Variants in MYORG observed in about 807,000 individuals in gnomAD.
The protein encoded by MYORG is myogenesis regulating glycosidase, also known as alpha-galactosidase MYORG.
Under a neutral mutation model 49.8 loss-of-function variants are expected in MYORG, and 45 were observed. The ratio of observed to expected loss-of-function variants is 0.90; its 90% CI spans 0.71 to 1.16. The LOEUF is 1.16. MYORG is among the 50% of genes most tolerant of loss of function. The pLI is 0.00. For synonymous variants in MYORG, 552 were observed against 462.9 expected (o/e 1.19, Z -2.47); for missense variants, 1,110 against 1,026.5 (o/e 1.08, Z -1.11).
Position 34,371,661 on chromosome 9 carries a change from C to T in MYORG, c.1283G>A (p.Gly428Asp). ...CGTGAAGTCTAGCACCGCGCCGATGCCGTTCCACCAGCGCACCAGCGCAGG... is the reference window on the plus strand; with the variant it reads ...CGTGAAGTCTAGCACCGCGCCGATGTCGTTCCACCAGCGCACCAGCGCAGG... ...RLPALVRWWN[G>D]IGAVLDFTHP... The change falls in exon 2 of 2, where the codon GGC (glycine) becomes GAC (aspartate). Residue 428 changes from glycine (G) to aspartate (D), a missense_variant. Coordinates refer to ENST00000297625, the MANE Select transcript of MYORG (RefSeq NM_020702.5). 6.2e-7 allele frequency: 1 copy of T among 1,606,842 alleles called. No individual in the cohort carries two copies. The highest frequency in any genetic ancestry group is 8.5e-7 in the Non-Finnish European group (1 of 1,176,800).
In MYORG at chr9:34,372,376, C is replaced by T. The variant is rs1222560422; in HGVS notation, c.568G>A (p.Glu190Lys). 6 of 1,590,300 alleles carry T rather than the reference C, an allele frequency of 3.8e-6. No homozygotes were observed. Among genetic ancestry groups the T allele is most frequent in the Non-Finnish European group, 4.3e-6 (5 of 1,169,924 alleles). Residue 190 changes from glutamate (E) to lysine (K), a missense_variant, in exon 2 of 2, where the codon GAG becomes AAG. Glu to Lys is a moderately conservative substitution (Grantham distance 56). Transcript: ENST00000297625. ...DAAAHWYGGAEMRTQHWPIRL... is the reference protein window; with the variant it reads ...DAAAHWYGGAKMRTQHWPIRL... ...ATGGGCCAGTGTTGCGTCCTCATCT[C>T]GGCGCCACCATACCAGTGGGCCGCC... is the stretch of plus-strand genomic sequence containing the variant.
chr9:34,373,215 T>G (rs1158868528), intron 1 of MYORG, among the ~76,000 whole-genome samples: 1 of 152,158 alleles, frequency 6.6e-6, no homozygotes, highest in African/African-American at 2.4e-5. Context: ...AAATTAGGAC[T>G]CTGTGACTGG....
chr9:34,371,159 G>A lies in MYORG; in HGVS notation c.1785C>T (p.Arg595=). Residue 595 remains arginine (R), a synonymous_variant, in exon 2 of 2, where the codon CGC becomes CGT. Coordinates refer to ENST00000297625, the MANE Select transcript of MYORG (RefSeq NM_020702.5). ...CGATGGCCACCACTTCCGCGTCGTAGCGCCAGGGCGGGATAGAGAACTGCA... is the reference window on the plus strand; with the variant it reads ...CGATGGCCACCACTTCCGCGTCGTAACGCCAGGGCGGGATAGAGAACTGCA... ...PAMQFSIPPW[R]YDAEVVAIAQ... is the part of the protein sequence containing the mutation. 6.2e-7 allele frequency: 1 copy of A among 1,608,684 alleles called. No individual in the cohort carries two copies. The highest frequency in any genetic ancestry group is 8.5e-7 in the Non-Finnish European group (1 of 1,176,578).
chr9:34,372,990 G>C lies in MYORG; in HGVS notation c.-47C>G. On this transcript the variant is annotated 5_prime_UTR_variant, in exon 2 of 2. Coordinates refer to ENST00000297625, the MANE Select transcript of MYORG (RefSeq NM_020702.5). ...GCGGGCCGTGGGGCCATCTGACTGA[G>C]TTCATCTCAACCTGCTCTGAAAGGA... is the stretch of plus-strand genomic sequence containing the variant. The C allele has an allele frequency of 1.9e-6, 3 of 1,588,458 alleles. No homozygotes were observed. Among genetic ancestry groups the C allele is most frequent in the Non-Finnish European group, 2.6e-6 (3 of 1,164,400 alleles).
At position 34,371,039 on chromosome 9, in the gene MYORG, G is replaced by T; in HGVS notation, c.1905C>A (p.Arg635=). ...CGCCGGGCGCAATCCACCAAAGGGG[G>T]CGCACGATAGGGTCACCCGTGTCGG... ...EVTDTGDPIV[R]PLWWIAPGDE... The change falls in exon 2 of 2, where the codon CGC becomes CGA. Residue 635 remains arginine, a synonymous_variant. Transcript: ENST00000297625. 6.2e-7 allele frequency: 1 copy of T among 1,613,004 alleles called. No homozygotes were observed. The highest frequency in any genetic ancestry group is 8.5e-7 in the Non-Finnish European group (1 of 1,179,856).
rs747175039 is a variant in MYORG, at chr9:34,371,230, C to G, written c.1714G>C (p.Glu572Gln). ...RTAGGDVPER[E>Q]LYIRWLEVAA... is the part of the protein sequence containing the mutation. The stretch of plus-strand genomic sequence containing the variant: ...ACTTCCAGCCAGCGAATGTAGAGCT[C>G]GCGCTCGGGCACATCGCCGCCGGCT... Residue 572 changes from glutamate to glutamine, a missense_variant, in exon 2 of 2, where the codon GAG (glutamate) becomes CAG (glutamine). Transcript: ENST00000297625. 11 of 1,609,148 alleles carry G rather than the reference C, an allele frequency of 6.8e-6. No homozygotes were observed. Among genetic ancestry groups the G allele is most frequent in the Non-Finnish European group, 2.5e-6 (3 of 1,177,888 alleles).
At position 34,374,518 on chromosome 9, in the gene MYORG, C is replaced by T. The variant is rs190138153; in HGVS notation, c.-63-1512G>A. ...CACCTAGCTTGGCCCAGCGCACCTCCTCCACCTACCTGCTCTCCAGGGATC... is the reference window on the plus strand; with the variant it reads ...CACCTAGCTTGGCCCAGCGCACCTCTTCCACCTACCTGCTCTCCAGGGATC... On this transcript the variant is annotated intron_variant, in intron 1 of 1. Transcript: ENST00000297625. 3.5e-3 allele frequency among the ~76,000 whole-genome samples: 527 copies of T among 152,178 alleles called. 6 individuals are homozygous for T. The highest frequency in any genetic ancestry group is 0.012 in the African/African-American group (509 of 41,496).
intron 1 of MYORG, among the ~76,000 whole-genome samples, chr9:34,373,335 C>T (rs1358414894): frequency 2.6e-5 from 4 of 152,146 alleles, no homozygotes; most frequent in Admixed American, 6.5e-5. Flanking sequence ...AGCCAGGCCT[C>T]CCCAGATCAC....
In MYORG at chr9:34,372,452, C is replaced by T. The variant is rs527695236; in HGVS notation, c.492G>A (p.Glu164=). ...DTVMCYRVRW[E]EAAPGRAVEH... The stretch of plus-strand genomic sequence containing the variant: ...CCACGGCCCGGCCCGGCGCTGCCTC[C>T]TCCCAGCGCACGCGGTAGCACATGA... Residue 164 remains glutamate (E), a synonymous_variant, in exon 2 of 2, where the codon GAG becomes GAA. Coordinates refer to ENST00000297625, the MANE Select transcript of MYORG (RefSeq NM_020702.5). The T allele has an allele frequency of 1.9e-5, 30 of 1,586,238 alleles. No homozygotes were observed. The highest frequency in any genetic ancestry group is 1.7e-4 in the Middle Eastern group (1 of 5,982).
chr9:34,369,578 T>C lies in MYORG; in HGVS notation c.*1221A>G, dbSNP rs1031775018. 2.0e-5 allele frequency: 3 copies of C among 151,152 alleles called. No individual in the cohort carries two copies. Among genetic ancestry groups the C allele is most frequent in the Non-Finnish European group, 2.9e-5 (2 of 67,988 alleles). The allele number at this position is 151,152 out of a possible 1,614,324, so 9.4% of individuals were successfully genotyped here. ...CTGTAATCTCAGCTACTCAATCGCT[T>C]GAACCTAGGAGGAGGGGTTGCAGTG... On this transcript the variant is annotated 3_prime_UTR_variant, in exon 2 of 2. Transcript: ENST00000297625.
Position 34,371,787 on chromosome 9 carries a change from C to A in MYORG, c.1157G>T (p.Arg386Leu), listed in dbSNP as rs751509844. The A allele has an allele frequency of 6.2e-7, 1 of 1,613,922 alleles. No homozygotes were observed. The highest frequency in any genetic ancestry group is 1.1e-5 in the South Asian group (1 of 91,078). Reference protein sequence around the residue: ...MFRRLRDAGFRVTLWVHPFVN... With the variant: ...MFRRLRDAGFLVTLWVHPFVN... ...AAAAGGGTGCACCCAGAGCGTGACG[C>A]GGAAGCCGGCGTCGCGCAGGCGGCG... The change falls in exon 2 of 2, where the codon CGC (arginine) becomes CTC (leucine). Residue 386 changes from arginine to leucine, a missense_variant. Physicochemically the swap from Arg to Leu is moderately radical, Grantham distance 102. Coordinates refer to ENST00000297625, the MANE Select transcript of MYORG (RefSeq NM_020702.5).
At chr9:34,373,133 G>A (rs1194632162) in intron 1 of MYORG, 127 bp from the exon 2 acceptor site, 2 of 682,962 alleles carry the variant, frequency 2.9e-6, no homozygotes, top group Non-Finnish European at 2.4e-6. Flanking sequence ...CTTGAAGAGT[G>A]GCAAAGGTGA....
At position 34,376,414 on chromosome 9, in the gene MYORG, C is replaced by G. The variant is rs1350832196; in HGVS notation, c.-64+379G>C. Among the ~76,000 whole-genome samples the G allele has an allele frequency of 6.6e-6, 1 of 152,192 alleles. No individual in the cohort carries two copies. The highest frequency in any genetic ancestry group is 1.5e-5 in the Non-Finnish European group (1 of 68,034). ...GCTAGTCTGGTCTGAGGGGGAGGGC[C>G]CCGCCCGACTCAACTGAGGGGAGGC... On this transcript the variant is annotated intron_variant, in intron 1 of 1. Coordinates refer to ENST00000297625, the MANE Select transcript of MYORG (RefSeq NM_020702.5). This position sits in a 1 kb window ranked among gnomAD's most constrained non-coding sequence, Gnocchi z 4.4.
chr9:34,373,021 C>T lies in MYORG; in HGVS notation c.-63-15G>A. The T allele has an allele frequency of 2.0e-6, 3 of 1,502,414 alleles. No individual in the cohort carries two copies. Among genetic ancestry groups the T allele is most frequent in the Non-Finnish European group, 2.7e-6 (3 of 1,101,462 alleles). The allele number at this position is 1,502,414 out of a possible 1,614,324, so 93.1% of individuals were successfully genotyped here. ...CTCAACCTGCTCTGAAAGGAGGAGA[C>T]AGAGATGGAACTGAGCTATCTCATC... On this transcript the variant is annotated splice_polypyrimidine_tract_variant and intron_variant, in intron 1 of 1. Transcript: ENST00000297625.
chr9:34,371,223 T>A lies in MYORG; in HGVS notation c.1721A>T (p.Tyr574Phe), dbSNP rs758700300. The change falls in exon 2 of 2, where the codon TAC becomes TTC. Residue 574 changes from tyrosine to phenylalanine, a missense_variant. Physicochemically the swap from Tyr to Phe is conservative, Grantham distance 22. Coordinates refer to ENST00000297625, the MANE Select transcript of MYORG (RefSeq NM_020702.5). ...GGCGGCCACTTCCAGCCAGCGAATG[T>A]AGAGCTCGCGCTCGGGCACATCGCC... ...AGGDVPEREL[Y>F]IRWLEVAAFM... 35 of 1,610,104 alleles carry A rather than the reference T, an allele frequency of 2.2e-5. No homozygotes were observed. Among genetic ancestry groups the A allele is most frequent in the Admixed American group, 6.7e-5 (4 of 59,750 alleles).
chr9:34,373,079 G>T, intron 1 of MYORG, 73 bp from the exon 2 acceptor site: 3 of 1,111,806 alleles, frequency 2.7e-6, no homozygotes, highest in Non-Finnish European at 3.9e-6. Flanking sequence ...CGCAAGCTAA[G>T]AGGAGGTGTA....
At position 34,370,683 on chromosome 9, in the gene MYORG, C is replaced by T. The variant is rs1820574079; in HGVS notation, c.*116G>A. 7.1e-7 allele frequency: 1 copy of T among 1,401,440 alleles called. No homozygotes were observed. The highest frequency in any genetic ancestry group is 1.6e-5 in the African/African-American group (1 of 61,236). 86.8% of individuals were successfully genotyped at this position (1,401,440 alleles called of 1,614,324 possible). A position where few individuals can be genotyped will look rare whatever the true frequency, so the allele number is the denominator to read the frequency against. On this transcript the variant is annotated 3_prime_UTR_variant, in exon 2 of 2. Transcript: ENST00000297625. Reference sequence around the variant, plus strand: ...TCCAGCACATTTAAGTCAGCAGCCACTTAATGGGTGGTATAGAGGTGGGAG... The same window carrying T: ...TCCAGCACATTTAAGTCAGCAGCCATTTAATGGGTGGTATAGAGGTGGGAG...
Position 34,372,008 on chromosome 9 carries a change from G to A in MYORG, c.936C>T (p.Ala312=), listed in dbSNP as rs1820614053. Residue 312 remains alanine (A), a synonymous_variant, in exon 2 of 2, where the codon GCC becomes GCT. Coordinates refer to ENST00000297625, the MANE Select transcript of MYORG (RefSeq NM_020702.5). ...ATGTGGACCAAATGGGGTCTCGGAA[G>A]GCCTCGGGTGCTGGCACCCTTGACG... is the stretch of plus-strand genomic sequence containing the variant. ...NKPSRVPAPE[A]FRDPIWSTWA... 5.0e-6 allele frequency: 8 copies of A among 1,613,936 alleles called. No homozygotes were observed. Among genetic ancestry groups the A allele is most frequent in the South Asian group, 1.1e-5 (1 of 91,092 alleles).
Position 34,372,455 on chromosome 9 carries a change from C to T in MYORG, c.489G>A (p.Trp163Ter), listed in dbSNP as rs1218616899. ...KDTVMCYRVR[W>*]EEAAPGRAVE... is the part of the protein sequence containing the mutation. ...CGGCCCGGCCCGGCGCTGCCTCCTC[C>T]CAGCGCACGCGGTAGCACATGACCG... Residue 163 changes from tryptophan to a stop codon, truncating the protein, a stop_gained, in exon 2 of 2, where the codon TGG (tryptophan) becomes TGA (stop). Transcript: ENST00000297625. LOFTEE classifies it high-confidence loss of function. 3.2e-6 allele frequency: 5 copies of T among 1,587,004 alleles called. No homozygotes were observed. The highest frequency in any genetic ancestry group is 8.6e-7 in the Non-Finnish European group (1 of 1,168,036).
Sources: allele counts gnomAD v4.1 joint callset (sites outside exome capture counted in the v4.1 genomes callset), GRCh38; gene constraint gnomAD v4.1.1; non-coding constraint Gnocchi (gnomAD v3.1); transcripts MANE v1.5; gene names NCBI Gene and HGNC (gene_info 2026-07-23, HGNC 2026-07-21).